AGBL4: variants seen among roughly 807,000 people sequenced by gnomAD.
AGBL4 encodes AGBL carboxypeptidase 4.
AGBL4 carries 58 observed loss-of-function variants against 66.4 expected under a neutral mutation model. That is an observed-to-expected ratio of 0.87 (90% CI 0.71 to 1.09). The LOEUF is 1.09. Among genes scored for constraint, AGBL4 ranks in the 50% least tolerant of loss-of-function variants. AGBL4 has a pLI of 0.00. For synonymous variants in AGBL4, 234 were observed against 222.9 expected, an observed-to-expected ratio of 1.05 and a Z score of -0.44; for missense variants, 579 against 631.0, an observed-to-expected ratio of 0.92 and a Z score of 0.88.
intron 11 of AGBL4, among the ~76,000 whole-genome samples, chr1:48,543,767 C>T (rs1212861795): frequency 1.3e-5 from 2 of 152,230 alleles, no homozygotes; most frequent in Non-Finnish European, 2.9e-5. Flanking sequence ...GGACATGAAA[C>T]TTAGCATTTA....
chr1:48,914,085 G>T (rs531735245), intron 5 of AGBL4, among the ~76,000 whole-genome samples: 1 of 152,204 alleles, frequency 6.6e-6, no homozygotes, highest in African/African-American at 2.4e-5. Context: ...GCAGAGAAAT[G>T]ATAATTGAAG....
At chr1:48,611,813 A>G (rs1645243400) in intron 9 of AGBL4, among the ~76,000 whole-genome samples, 1 of 152,244 alleles carries the variant, frequency 6.6e-6, no homozygotes, top group Non-Finnish European at 1.5e-5. Flanking sequence ...GCCGCTTCGG[A>G]TCTGTGTGAG....
At chr1:49,199,662 C>T (rs756444509) in intron 4 of AGBL4, among the ~76,000 whole-genome samples, 10 of 152,284 alleles carry the variant, frequency 6.6e-5, no homozygotes, top group Non-Finnish European at 1.0e-4. Flanking sequence ...ACTTAGTCTC[C>T]TGGCACCATA....
chr1:49,898,043 T>C (rs930796864), intron 1 of AGBL4, among the ~76,000 whole-genome samples: 1 of 152,092 alleles, frequency 6.6e-6, no homozygotes, highest in Non-Finnish European at 1.5e-5. Flanking sequence ...CTCCAGAACA[T>C]TGGACTGGAC....
intron 3 of AGBL4, among the ~76,000 whole-genome samples, chr1:49,293,707 T>C (rs1208837280): frequency 6.6e-6 from 1 of 152,114 alleles, no homozygotes. Context: ...AGATCAACAC[T>C]AAAAACAGCA....
At chr1:50,016,629 A>G (rs887028238) in intron 1 of AGBL4, among the ~76,000 whole-genome samples, 3 of 151,620 alleles carry the variant, frequency 2.0e-5, no homozygotes, top group African/African-American at 7.3e-5. Context: ...CAGAAGACAT[A>G]TATGTGGCCA....
At chr1:49,917,340 C>T (rs549720444) in intron 1 of AGBL4, among the ~76,000 whole-genome samples, 6 of 151,980 alleles carry the variant, frequency 3.9e-5, no homozygotes, top group Non-Finnish European at 8.8e-5. Context: ...TCAGGAAACC[C>T]ATCTCGTGTG....
chr1:49,368,224 T>C (rs905633944), intron 3 of AGBL4, among the ~76,000 whole-genome samples: 1 of 152,166 alleles, frequency 6.6e-6, no homozygotes, highest in African/African-American at 2.4e-5. Flanking sequence ...TGAACATCTG[T>C]GTACAAGATT....
intron 1 of AGBL4, among the ~76,000 whole-genome samples, chr1:49,987,001 CAGA>C (rs1355006015): frequency 1.3e-5 from 2 of 151,988 alleles, no homozygotes; most frequent in African/African-American, 4.8e-5. Context: ...CAAAAATCTG[CAGA>C]AGATTTTGAT....
At chr1:48,708,616 G>A (rs1294823015) in intron 6 of AGBL4, among the ~76,000 whole-genome samples, 1 of 152,222 alleles carries the variant, frequency 6.6e-6, no homozygotes, top group South Asian at 2.1e-4. Context: ...TAGGCAGGGA[G>A]GTCATGCTTA....
intron 5 of AGBL4, 67 bp from the exon 6 acceptor site, chr1:48,867,297 A>G (rs61785986): frequency 0.6 from 922,591 of 1,532,078 alleles, 291,795 homozygotes; most frequent in Non-Finnish European, 0.66. Context: ...TTAGCAGGTC[A>G]GGGCGGACAA....
intron 3 of AGBL4, among the ~76,000 whole-genome samples, chr1:49,661,148 C>T (rs1213174378): frequency 2.0e-5 from 3 of 151,886 alleles, no homozygotes; most frequent in Non-Finnish European, 4.4e-5. Context: ...GACACTTCAC[C>T]AAGAAAGATA....
chr1:49,230,174 C>A (rs1294064385), intron 4 of AGBL4, among the ~76,000 whole-genome samples: 1 of 152,194 alleles, frequency 6.6e-6, no homozygotes, highest in Admixed American at 6.5e-5. Context: ...AGACATGGTT[C>A]TGTCCACCTT....
chr1:48,545,534 T>A (rs1644145395), intron 11 of AGBL4, among the ~76,000 whole-genome samples: 1 of 152,190 alleles, frequency 6.6e-6, no homozygotes, highest in African/African-American at 2.4e-5. Context: ...TTTCATTGTA[T>A]TGTAGAATTA....
chr1:49,020,359 C>T (rs1663152552), intron 5 of AGBL4, among the ~76,000 whole-genome samples: 1 of 152,228 alleles, frequency 6.6e-6, no homozygotes, highest in Admixed American at 6.5e-5. Context: ...TCCACACTTT[C>T]CATCTCAGGG....
At chr1:49,244,163 GATT>G (rs1651450576) in intron 4 of AGBL4, among the ~76,000 whole-genome samples, 1 of 151,780 alleles carries the variant, frequency 6.6e-6, no homozygotes, top group Admixed American at 6.6e-5. Flanking sequence ...AATGGATGGT[GATT>G]ATTATTGCTG....
chr1:50,022,618 A>C (rs1372289541), intron 1 of AGBL4, among the ~76,000 whole-genome samples: 1 of 1,402 alleles, frequency 7.1e-4, no homozygotes, highest in Non-Finnish European at 1.9e-3. Context: ...CCATAACCAC[A>C]CACACACACA....
chr1:49,112,970 G>A (rs902568103), intron 4 of AGBL4, among the ~76,000 whole-genome samples: 1 of 101,790 alleles, frequency 9.8e-6, no homozygotes, highest in East Asian at 2.7e-4. Context: ...TTTTTTTTTT[G>A]AGATGGAGTC....
chr1:48,849,639 AG>A (rs1242653897), intron 6 of AGBL4, among the ~76,000 whole-genome samples: 1 of 152,186 alleles, frequency 6.6e-6, no homozygotes, highest in Non-Finnish European at 1.5e-5. Context: ...CAATCATACT[AG>A]TCACCCTTTT....
Sources: allele counts gnomAD v4.1 joint callset (sites outside exome capture counted in the v4.1 genomes callset), GRCh38; gene constraint gnomAD v4.1.1; transcripts MANE v1.5; gene names NCBI Gene and HGNC (gene_info 2026-07-23, HGNC 2026-07-21).